Variants in POLR2F observed in about 807,000 individuals in gnomAD.
POLR2F encodes the protein DNA-directed RNA polymerases I, II, and III subunit RPABC2.
A neutral mutation model predicts 22.7 loss-of-function variants in POLR2F; 12 were observed. The ratio of observed to expected loss-of-function variants is 0.53; its 90% CI spans 0.34 to 0.86. POLR2F has a LOEUF of 0.86. POLR2F is among the 40% of genes least tolerant of loss of function. The pLI, the probability that POLR2F is intolerant of heterozygous loss-of-function variation, is 0.02. For missense variants in POLR2F, 126 were observed against 171.5 expected (o/e 0.73, Z 1.48); for synonymous variants, 57 against 66.0 (o/e 0.86, Z 0.66).
At chr22:38,027,107 C>G (rs927628165), downstream of POLR2F, among the ~76,000 whole-genome samples, 3 of 152,178 alleles carry the variant, frequency 2.0e-5, no homozygotes, top group South Asian at 6.2e-4. Context: ...TCGTGGAGTG[C>G]GAGATGGCAT....
intron 5 of POLR2F, among the ~76,000 whole-genome samples, chr22:38,034,781 A>ACACAGAG (rs2085098980): frequency 6.6e-6 from 1 of 152,166 alleles, no homozygotes; most frequent in Non-Finnish European, 1.5e-5. Flanking sequence ...GCCAGCAGAG[A>ACACAGAG]CACAGAGCGC....
downstream of POLR2F, chr22:37,974,128 C>T (rs773109683): frequency 2.1e-5 from 34 of 1,584,522 alleles, no homozygotes; most frequent in South Asian, 1.4e-4. This position sits in a 1 kb window ranked among gnomAD's most constrained non-coding sequence, Gnocchi z 5.4. Flanking sequence ...CGTCCCGCTT[C>T]GGGTCTGCCT....
Position 37,959,328 on chromosome 22 carries a change from T to G in POLR2F, c.91-18T>G, listed in dbSNP as rs1054888965. ...AGTGCCACCTGAGTCTTTCCCTCTT[T>G]TTTGTCTTGGTGTCCAGGAAGGCCA... On this transcript the variant is annotated intron_variant, in intron 2 of 4. Transcript: ENST00000442738. The G allele has an allele frequency of 1.1e-5, 17 of 1,611,654 alleles. No individual in the cohort carries two copies. Among genetic ancestry groups the G allele is most frequent in the Non-Finnish European group, 1.4e-5 (17 of 1,179,240 alleles).
intron 5 of POLR2F, chr22:38,040,987 G>A (rs1313242619): frequency 6.2e-7 from 1 of 1,603,420 alleles, no homozygotes; most frequent in Non-Finnish European, 8.5e-7. Context: ...AAAGGCTGAA[G>A]TTCTTCATGT....
chr22:38,025,808 A>G (rs757723639), intron 1 of POLR2F: 127 of 1,462,440 alleles, frequency 8.7e-5, no homozygotes, highest in Non-Finnish European at 1.1e-4. Context: ...GGCACTTTTC[A>G]TGGCCAGCAT....
chr22:37,986,098 C>A, upstream of POLR2F: 2 of 1,420,630 alleles, frequency 1.4e-6, no homozygotes, highest in Non-Finnish European at 1.8e-6. This position sits in a 1 kb window ranked among gnomAD's most constrained non-coding sequence, Gnocchi z 4.7. Context: ...GTTCGAAATA[C>A]AGGTGAACGG....
chr22:37,983,580 G>A (rs763813431), upstream of POLR2F: 2 of 1,610,288 alleles, frequency 1.2e-6, no homozygotes, highest in Non-Finnish European at 8.5e-7. The surrounding 1 kb of genome is among the most constrained non-coding windows in gnomAD (Gnocchi z 9.5). Flanking sequence ...ATGCACACGG[G>A]GAACTTGTCA....
At chr22:37,959,615 A>G (rs1931545169) in intron 3 of POLR2F, 139 bp downstream of exon 3, 2 of 936,798 alleles carry the variant, frequency 2.1e-6, no homozygotes, top group South Asian at 1.7e-5. Flanking sequence ...CCTGCGTACC[A>G]GGCATTGAGC....
intron 3 of POLR2F, among the ~76,000 whole-genome samples, chr22:37,965,597 T>C (rs1378598219): frequency 6.6e-6 from 1 of 152,234 alleles, no homozygotes; most frequent in Non-Finnish European, 1.5e-5. Flanking sequence ...CTTTATATTT[T>C]GGGAAAGTTT....
chr22:38,039,896 C>G (rs1019846516), intron 5 of POLR2F, among the ~76,000 whole-genome samples: 1 of 152,170 alleles, frequency 6.6e-6, no homozygotes, highest in Admixed American at 6.5e-5. Flanking sequence ...AGCGCCTAAC[C>G]TGAAGTTGGG....
upstream of POLR2F, chr22:37,983,604 C>T (rs866240813): frequency 5.0e-6 from 8 of 1,607,714 alleles, no homozygotes; most frequent in Middle Eastern, 8.3e-4. This position sits in a 1 kb window ranked among gnomAD's most constrained non-coding sequence, Gnocchi z 9.5. Flanking sequence ...TCCGCCTCGC[C>T]GTCCTGCTGC....
At chr22:37,954,082 A>G (rs1407725415) in intron 1 of POLR2F, among the ~76,000 whole-genome samples, 1 of 152,178 alleles carries the variant, frequency 6.6e-6, no homozygotes, top group African/African-American at 2.4e-5. Context: ...TGTATCATGC[A>G]GTGGGAATAT....
chr22:38,023,226 C>T (rs1008164231), intron 1 of POLR2F, among the ~76,000 whole-genome samples: 15 of 152,074 alleles, frequency 9.9e-5, no homozygotes, highest in Non-Finnish European at 2.1e-4. Flanking sequence ...TCATAGAAGG[C>T]ATTTGTTTAT....
rs147598975 is a variant in POLR2F, at chr22:37,957,016, G to A, written c.90+174G>A. ...TTGCATAGCAGAACAGCCCTGCAGGGTGGGCCTGAAAGCTTTTGTCCATGT... is the reference window on the plus strand; with the variant it reads ...TTGCATAGCAGAACAGCCCTGCAGGATGGGCCTGAAAGCTTTTGTCCATGT... On this transcript the variant is annotated intron_variant, in intron 2 of 4. Coordinates refer to ENST00000442738, the MANE Select transcript of POLR2F (RefSeq NM_021974.5). The A allele has an allele frequency of 3.7e-4, 234 of 636,964 alleles. No homozygotes were observed. In the African/African-American group the frequency reaches 3.9e-3, roughly 11 times the overall value. The allele number at this position is 636,964 out of a possible 1,614,324, so 39.5% of individuals were successfully genotyped here.
At chr22:38,018,079 G>A (rs571945191) in intron 1 of POLR2F, among the ~76,000 whole-genome samples, 1 of 152,334 alleles carries the variant, frequency 6.6e-6, no homozygotes, top group South Asian at 2.1e-4. Flanking sequence ...TATGACGGAG[G>A]GCAGAGTTTG....
At chr22:38,007,269 G>T (rs1471423676) in intron 1 of POLR2F, among the ~76,000 whole-genome samples, 1 of 152,206 alleles carries the variant, frequency 6.6e-6, no homozygotes. Flanking sequence ...ACCCAGGACT[G>T]CCCAGGGTGG....
intron 3 of POLR2F, among the ~76,000 whole-genome samples, chr22:37,964,960 C>A (rs531461545): frequency 1.1e-3 from 161 of 152,312 alleles, no homozygotes; most frequent in African/African-American, 3.7e-3. Context: ...ATGACACCAT[C>A]TGGTGGCTCC....
At chr22:38,006,600 A>C (rs1220930867) in intron 1 of POLR2F, among the ~76,000 whole-genome samples, 6 of 152,170 alleles carry the variant, frequency 3.9e-5, no homozygotes, top group Admixed American at 2.0e-4. Context: ...GGGAAATTTC[A>C]ATGTGGCTCT....
intron 1 of POLR2F, chr22:37,987,422 C>A (rs556664729): frequency 6.6e-5 from 26 of 394,460 alleles, no homozygotes; most frequent in Admixed American, 6.1e-4. Context: ...CTTCACCCCC[C>A]AGCTCCCAAG....
Sources: allele counts gnomAD v4.1 joint callset (sites outside exome capture counted in the v4.1 genomes callset), GRCh38; gene constraint gnomAD v4.1.1; non-coding constraint Gnocchi (gnomAD v3.1); transcripts MANE v1.5; gene names NCBI Gene and HGNC (gene_info 2026-07-23, HGNC 2026-07-21).